Variants in IL1RAPL2 observed in about 807,000 individuals in gnomAD.
IL1RAPL2 encodes interleukin 1 receptor accessory protein like 2.
In IL1RAPL2, 3 loss-of-function variants were observed where a neutral mutation model predicts 44.1. That is an observed-to-expected ratio of 0.07 (90% CI 0.03 to 0.18). IL1RAPL2 has a LOEUF of 0.18. Among genes scored for constraint, IL1RAPL2 ranks in the 10% least tolerant of loss-of-function variants. The probability of loss-of-function intolerance (pLI) is 1.00; values close to 1 mark genes in which losing one functional copy is unlikely to be tolerated. For missense variants in IL1RAPL2, 391 were observed against 496.4 expected (o/e 0.79, Z 2.02); for synonymous variants, 181 against 178.8 (o/e 1.01, Z -0.10).
At chrX:104,699,438 G>A (rs1931237653) in intron 2 of IL1RAPL2, among the ~76,000 whole-genome samples, 3 of 111,088 alleles carry the variant, frequency 2.7e-5, no homozygotes, top group Admixed American at 9.6e-5. Flanking sequence ...AATAGGGCTC[G>A]CACTCCTATG....
chrX:105,205,013 A>G (rs2033748839), intron 3 of IL1RAPL2, among the ~76,000 whole-genome samples: 1 of 111,839 alleles, frequency 8.9e-6, no homozygotes, highest in Non-Finnish European at 1.9e-5. Context: ...CTTCCATTCT[A>G]GAGTTGGGAA....
Position 104,953,607 on chromosome X carries a change from C to T in IL1RAPL2, c.83-241868C>T, listed in dbSNP as rs146486759. 6.8e-4 allele frequency among the ~76,000 whole-genome samples: 76 copies of T among 111,542 alleles called. No individual in the cohort carries two copies. The East Asian group carries it at 0.02, about 30-fold the overall frequency. The stretch of plus-strand genomic sequence containing the variant: ...GCTTCTCTCTTATAATTCCCTGAAG[C>T]CAAGCTAACTGGCTTAGTATACAAT... On this transcript the variant is annotated intron_variant, in intron 2 of 10. Coordinates refer to ENST00000372582, the MANE Select transcript of IL1RAPL2 (RefSeq NM_017416.2).
In IL1RAPL2 at chrX:105,521,101, AT is replaced by A. The variant is rs560910539; in HGVS notation, c.772+36730del. Among the ~76,000 whole-genome samples the A allele has an allele frequency of 7.2e-3, 654 of 90,638 alleles. 5 individuals carry two copies. The highest frequency in any genetic ancestry group is 0.02 in the African/African-American group (482 of 24,601). The allele number at this position is 90,638 out of a possible 115,157, so 78.7% of individuals were successfully genotyped here. A position where few individuals can be genotyped will look rare whatever the true frequency, so the allele number is the denominator to read the frequency against. Reference sequence around the variant, plus strand: ...AGGCGCCTGCCACCAAGCCCGGCTAATTTTTTTTTTTTTTTTGTATTTTTAG... The same window carrying A: ...AGGCGCCTGCCACCAAGCCCGGCTAATTTTTTTTTTTTTTTGTATTTTTAG... On this transcript the variant is annotated intron_variant, in intron 6 of 10. Coordinates refer to ENST00000372582, the MANE Select transcript of IL1RAPL2 (RefSeq NM_017416.2).
intron 1 of IL1RAPL2, among the ~76,000 whole-genome samples, chrX:104,616,719 G>A (rs189234314): frequency 9.0e-6 from 1 of 111,725 alleles, no homozygotes; most frequent in African/African-American, 3.2e-5. Context: ...TCGACTCCCT[G>A]TGATTTCATT....
In IL1RAPL2 at chrX:104,813,727, A is replaced by T. The variant is rs902863388; in HGVS notation, c.82+154732A>T. ...CTTAGGTATAACATTGCTGGTTTGA[A>T]GAACAGGGCCCAATGCCAGTGACCT... On this transcript the variant is annotated intron_variant, in intron 2 of 10. Coordinates refer to ENST00000372582, the MANE Select transcript of IL1RAPL2 (RefSeq NM_017416.2). 2.7e-5 allele frequency among the ~76,000 whole-genome samples: 3 copies of T among 111,605 alleles called. No individual in the cohort carries two copies. The East Asian group carries it at 8.5e-4, about 32-fold the overall frequency.
intron 5 of IL1RAPL2, among the ~76,000 whole-genome samples, chrX:105,347,063 G>A (rs1375577569): frequency 8.9e-6 from 1 of 111,933 alleles, no homozygotes; most frequent in Non-Finnish European, 1.9e-5. Context: ...AGACCTGTGT[G>A]TTGAGTGATG....
chrX:105,153,544 C>T (rs1028745650), intron 2 of IL1RAPL2, among the ~76,000 whole-genome samples: 4 of 111,869 alleles, frequency 3.6e-5, no homozygotes, highest in Non-Finnish European at 7.5e-5. Context: ...GACCATGGCC[C>T]ATGACAGCCT....
chrX:104,673,732 AT>A, intron 2 of IL1RAPL2, among the ~76,000 whole-genome samples: 1 of 109,250 alleles, frequency 9.2e-6, no homozygotes. Flanking sequence ...ACCCATGAGC[AT>A]GGAATGTTCT....
chrX:104,720,035 G>A (rs1235948733), intron 2 of IL1RAPL2, among the ~76,000 whole-genome samples: 1 of 111,496 alleles, frequency 9.0e-6, no homozygotes, highest in Non-Finnish European at 1.9e-5. Flanking sequence ...AACAGCTAAT[G>A]GTAAGCTGAT....
At chrX:105,686,664 C>T (rs960043705) in intron 6 of IL1RAPL2, among the ~76,000 whole-genome samples, 2 of 111,099 alleles carry the variant, frequency 1.8e-5, no homozygotes, top group Non-Finnish European at 3.8e-5. Context: ...GACAGATCAA[C>T]GAGACAGAAT....
intron 2 of IL1RAPL2, among the ~76,000 whole-genome samples, chrX:104,750,752 C>T (rs965923289): frequency 1.8e-5 from 2 of 110,933 alleles, no homozygotes; most frequent in African/African-American, 3.3e-5. Flanking sequence ...ATGAAAACTC[C>T]ATCTGGCACT....
chrX:104,793,222 G>A (rs904236737), intron 2 of IL1RAPL2, among the ~76,000 whole-genome samples: 2 of 111,545 alleles, frequency 1.8e-5, no homozygotes, highest in African/African-American at 6.5e-5. Context: ...CATAATTCAA[G>A]TTGGGAGTGA....
At chrX:104,858,880 A>G (rs1006859158) in intron 2 of IL1RAPL2, among the ~76,000 whole-genome samples, 1 of 111,946 alleles carries the variant, frequency 8.9e-6, no homozygotes, top group African/African-American at 3.2e-5. Flanking sequence ...TTGAATAAGA[A>G]GAGTCATTCT....
At chrX:104,782,031 G>A (rs892887214) in intron 2 of IL1RAPL2, among the ~76,000 whole-genome samples, 25 of 111,499 alleles carry the variant, frequency 2.2e-4, no homozygotes, top group Non-Finnish European at 4.1e-4. Flanking sequence ...TCTCTGAAGC[G>A]GAGAGCAAGC....
At chrX:105,254,256 A>G (rs2034296986) in intron 4 of IL1RAPL2, among the ~76,000 whole-genome samples, 1 of 111,919 alleles carries the variant, frequency 8.9e-6, no homozygotes, top group Admixed American at 9.5e-5. Flanking sequence ...GACTAGTATG[A>G]GATAGTATTT....
Position 104,821,102 on chromosome X carries a change from C to T in IL1RAPL2, c.82+162107C>T, listed in dbSNP as rs958041682. The stretch of plus-strand genomic sequence containing the variant: ...TCCAATTCTTATGTATTCTGTTCAC[C>T]AATTGCATTATATCTCTTCTGAAAA... On this transcript the variant is annotated intron_variant, in intron 2 of 10. Coordinates refer to ENST00000372582, the MANE Select transcript of IL1RAPL2 (RefSeq NM_017416.2). Among the ~76,000 whole-genome samples, 3 of 111,751 alleles carry T rather than the reference C, an allele frequency of 2.7e-5. No individual in the cohort carries two copies. The Admixed American group carries it at 2.9e-4, about 11-fold the overall frequency.
intron 7 of IL1RAPL2, among the ~76,000 whole-genome samples, chrX:105,740,247 A>C: frequency 8.9e-6 from 1 of 112,066 alleles, no homozygotes; most frequent in Non-Finnish European, 1.9e-5. Context: ...GATCAACAAA[A>C]TTGATAGACC....
chrX:105,351,151 A>G (rs1474496151), intron 5 of IL1RAPL2, among the ~76,000 whole-genome samples: 1 of 111,906 alleles, frequency 8.9e-6, no homozygotes, highest in Non-Finnish European at 1.9e-5. Flanking sequence ...GTGGAGAAAC[A>G]GGAACACTTT....
At chrX:105,757,176 G>A (rs2038646641) in intron 10 of IL1RAPL2, among the ~76,000 whole-genome samples, 1 of 111,530 alleles carries the variant, frequency 9.0e-6, no homozygotes, top group Non-Finnish European at 1.9e-5. Flanking sequence ...GCCAAACTGT[G>A]CCTTTGATAT....
Sources: allele counts gnomAD v4.1 joint callset (sites outside exome capture counted in the v4.1 genomes callset), GRCh38; gene constraint gnomAD v4.1.1; transcripts MANE v1.5; gene names NCBI Gene and HGNC (gene_info 2026-07-23, HGNC 2026-07-21).